Variants in VSIG8 observed in about 807,000 individuals in gnomAD.
VSIG8 encodes V-set and immunoglobulin domain-containing protein 8.
Under a neutral mutation model 42.6 loss-of-function variants are expected in VSIG8, and 32 were observed. The ratio of observed to expected loss-of-function variants is 0.75; its 90% CI spans 0.57 to 1.01. The LOEUF (loss-of-function observed/expected upper bound fraction) is 1.01, where lower values mean the gene tolerates loss of function less well. Ranked by LOEUF, VSIG8 falls within the 50% of genes least tolerant of loss-of-function variation. VSIG8 has a pLI of 0.00. For missense variants in VSIG8, 529 were observed against 558.0 expected (o/e 0.95, Z 0.52); for synonymous variants, 290 against 243.8 (o/e 1.19, Z -1.77).
In VSIG8 at chr1:159,855,045, G is replaced by C. The variant is rs111439060; in HGVS notation, c.972-19C>G. The C allele has an allele frequency of 0.016, 25,556 of 1,572,576 alleles. 235 individuals carry two copies. The highest frequency in any genetic ancestry group is 0.02 in the Non-Finnish European group (23,330 of 1,159,734). ...GTCCTCTCTGTGGAAAACAACAGGCGGGCGGGTGAGCGGGCTGCTCCGCAG... is the reference window on the plus strand; with the variant it reads ...GTCCTCTCTGTGGAAAACAACAGGCCGGCGGGTGAGCGGGCTGCTCCGCAG... On this transcript the variant is annotated intron_variant, in intron 6 of 6. Coordinates refer to ENST00000368100, the MANE Select transcript of VSIG8 (RefSeq NM_001013661.1).
In VSIG8 at chr1:159,858,740, C is replaced by G. The variant is rs1648924194; in HGVS notation, c.222G>C (p.Glu74Asp). ...CCCTGTGCCCAGCACTCACCACGTTCTCTCGGTGGTGGGCGGGGTCTGAGT... is the reference window on the plus strand; with the variant it reads ...CCCTGTGCCCAGCACTCACCACGTTGTCTCGGTGGTGGGCGGGGTCTGAGT... ...QVNSDPAHHRENVFLSYQDKR... is the reference protein window; with the variant it reads ...QVNSDPAHHRDNVFLSYQDKR... The change falls in exon 2 of 7, where the codon GAG becomes GAC. Residue 74 changes from glutamate (E) to aspartate (D), a missense_variant. By Grantham distance (45) the Glu-to-Asp change is conservative. Coordinates refer to ENST00000368100, the MANE Select transcript of VSIG8 (RefSeq NM_001013661.1). 6.2e-7 allele frequency: 1 copy of G among 1,610,568 alleles called. No individual in the cohort carries two copies. Among genetic ancestry groups the G allele is most frequent in the African/African-American group, 1.3e-5 (1 of 74,860 alleles).
In VSIG8 at chr1:159,857,881, G is replaced by C. The variant is rs750153493; in HGVS notation, c.516C>G (p.Gly172=). The C allele has an allele frequency of 1.9e-5, 30 of 1,614,108 alleles. No individual in the cohort carries two copies. Among genetic ancestry groups the C allele is most frequent in the Non-Finnish European group, 2.5e-5 (30 of 1,180,036 alleles). The change falls in exon 4 of 7, where the codon GGC becomes GGG. Residue 172 remains glycine (G), a synonymous_variant. Coordinates refer to ENST00000368100, the MANE Select transcript of VSIG8 (RefSeq NM_001013661.1). ...CCCACTTGTAGGAGAGGGGCTGGGA[G>C]CCCCCACTGGCATAGCACTTCAGCA... ...DVVLKCYASG[G]SQPLSYKWAK... is the part of the protein sequence containing the mutation.
rs1441783836 is a variant in VSIG8 at position 159,862,583 on chromosome 1, T to A, written c.-62A>T. On this transcript the variant is annotated 5_prime_UTR_variant, in exon 1 of 7. Coordinates refer to ENST00000368100, the MANE Select transcript of VSIG8 (RefSeq NM_001013661.1). ...TATCCCGTGGGGTCGTAGTGGTGGG[T>A]GTGAGGGGGTAGGTGGAGGGAGGGG... 2.0e-6 allele frequency: 3 copies of A among 1,487,064 alleles called. No homozygotes were observed. In the East Asian group the frequency reaches 7.0e-5, roughly 35 times the overall value. 92.1% of individuals were successfully genotyped at this position (1,487,064 alleles called of 1,614,324 possible).
Position 159,854,747 on chromosome 1 carries a change from G to A in VSIG8, c.*6C>T. 2 of 1,467,714 alleles carry A rather than the reference G, an allele frequency of 1.4e-6. No individual in the cohort carries two copies. The highest frequency in any genetic ancestry group is 1.8e-6 in the Non-Finnish European group (2 of 1,118,058). The allele number at this position is 1,467,714 out of a possible 1,614,324, so 90.9% of individuals were successfully genotyped here. A position where few individuals can be genotyped will look rare whatever the true frequency, so the allele number is the denominator to read the frequency against. On this transcript the variant is annotated 3_prime_UTR_variant, in exon 7 of 7. Transcript: ENST00000368100. ...GCTGGGGCGCAGCCCGGCCCGGCGCGCGCGCTCACACCAAGAGGCCGTTCT... is the reference window on the plus strand; with the variant it reads ...GCTGGGGCGCAGCCCGGCCCGGCGCACGCGCTCACACCAAGAGGCCGTTCT...
At chr1:159,855,673 G>A (rs1409229005) in intron 6 of VSIG8, 2 of 953,974 alleles carry the variant, frequency 2.1e-6, no homozygotes, top group African/African-American at 3.5e-5. Context: ...GAAATGGAAG[G>A]CAGGGAGCAG....
intron 4 of VSIG8, 122 bp from the exon 5 acceptor site, chr1:159,856,765 CCACACCCA>C: frequency 8.7e-7 from 1 of 1,146,344 alleles, no homozygotes; most frequent in Non-Finnish European, 1.2e-6. Context: ...GTGTGTACAC[CCACACCCA>C]CACACACACA....
At position 159,856,613 on chromosome 1, in the gene VSIG8, T is replaced by G; in HGVS notation, c.683A>C (p.Asp228Ala). Residue 228 changes from aspartate to alanine, a missense_variant, in exon 5 of 7, where the codon GAT (aspartate) becomes GCT (alanine). Asp to Ala is a moderately radical substitution (Grantham distance 126). Coordinates refer to ENST00000368100, the MANE Select transcript of VSIG8 (RefSeq NM_001013661.1). ...GLNNGDLVLK[D>A]ISRADDGLYQ... ...CAGCCCATCATCTGCTCTGGAGATATCCTTCAACACCAGGTCCCCATTGTT... is the reference window on the plus strand; with the variant it reads ...CAGCCCATCATCTGCTCTGGAGATAGCCTTCAACACCAGGTCCCCATTGTT... 1 of 1,614,108 alleles carries G rather than the reference T, an allele frequency of 6.2e-7. No homozygotes were observed. Among genetic ancestry groups the G allele is most frequent in the Non-Finnish European group, 8.5e-7 (1 of 1,179,998 alleles).
intron 5 of VSIG8, 68 bp downstream of exon 5, chr1:159,856,455 CA>C: frequency 6.3e-7 from 1 of 1,595,002 alleles, no homozygotes; most frequent in South Asian, 1.1e-5. Context: ...GCTGAGGCTC[CA>C]AACCAGAGCC....
At chr1:159,855,784 G>T in intron 6 of VSIG8, 99 bp downstream of exon 6, 1 of 1,433,452 alleles carries the variant, frequency 7.0e-7, no homozygotes, top group Non-Finnish European at 9.1e-7. Context: ...GGGCAGGGTT[G>T]GGGTGGGGGG....
chr1:159,856,253 C>T (rs1473660243), intron 5 of VSIG8, 172 bp from the exon 6 acceptor site: 2 of 768,610 alleles, frequency 2.6e-6, no homozygotes, highest in Non-Finnish European at 2.1e-6. Flanking sequence ...TGCAAGTTAA[C>T]CCCTCGTGTC....
At chr1:159,862,450 C>CTG (rs779053747) in intron 1 of VSIG8, 23 bp downstream of exon 1, 9 of 1,604,844 alleles carry the variant, frequency 5.6e-6, no homozygotes, top group Non-Finnish European at 7.7e-6. Context: ...GCTGGCTACC[C>CTG]TGCCCCCTGC....
Position 159,854,863 on chromosome 1 carries a change from C to A in VSIG8, c.1135G>T (p.Ala379Ser). Residue 379 changes from alanine to serine, a missense_variant, in exon 7 of 7, where the codon GCC becomes TCC. Coordinates refer to ENST00000368100, the MANE Select transcript of VSIG8 (RefSeq NM_001013661.1). ...GAGGGGCCCGCTTCGCAGGCGGCGG[C>A]GGCGGTGCAGGGCGCCAGGGCCACG... ...EDVALAPCTA[A>S]AACEAGPSPV... is the part of the protein sequence containing the mutation. 1 of 1,474,150 alleles carries A rather than the reference C, an allele frequency of 6.8e-7. No individual in the cohort carries two copies. The highest frequency in any genetic ancestry group is 8.9e-7 in the Non-Finnish European group (1 of 1,122,152). The allele number at this position is 1,474,150 out of a possible 1,614,324, so 91.3% of individuals were successfully genotyped here.
Position 159,862,603 on chromosome 1 carries a change from G to C in VSIG8, c.-82C>G. Reference sequence around the variant, plus strand: ...GTGGGTGTGAGGGGGTAGGTGGAGGGAGGGGGAGCTGAGGGCCCAGACACT... The same window carrying C: ...GTGGGTGTGAGGGGGTAGGTGGAGGCAGGGGGAGCTGAGGGCCCAGACACT... On this transcript the variant is annotated 5_prime_UTR_variant, in exon 1 of 7. Coordinates refer to ENST00000368100, the MANE Select transcript of VSIG8 (RefSeq NM_001013661.1). The C allele has an allele frequency of 8.0e-7, 1 of 1,247,124 alleles. No homozygotes were observed. Among genetic ancestry groups the C allele is most frequent in the Non-Finnish European group, 1.1e-6 (1 of 871,530 alleles). 77.3% of individuals were successfully genotyped at this position (1,247,124 alleles called of 1,614,324 possible). A position where few individuals can be genotyped will look rare whatever the true frequency, so the allele number is the denominator to read the frequency against.
chr1:159,854,740 C>A lies in VSIG8; in HGVS notation c.*13G>T. 6.8e-7 allele frequency: 1 copy of A among 1,461,434 alleles called. No individual in the cohort carries two copies. The highest frequency in any genetic ancestry group is 9.0e-7 in the Non-Finnish European group (1 of 1,115,678). The allele number at this position is 1,461,434 out of a possible 1,614,324, so 90.5% of individuals were successfully genotyped here. A position where few individuals can be genotyped will look rare whatever the true frequency, so the allele number is the denominator to read the frequency against. ...CCTCCTGGCTGGGGCGCAGCCCGGC[C>A]CGGCGCGCGCGCTCACACCAAGAGG... is the stretch of plus-strand genomic sequence containing the variant. On this transcript the variant is annotated 3_prime_UTR_variant, in exon 7 of 7. Coordinates refer to ENST00000368100, the MANE Select transcript of VSIG8 (RefSeq NM_001013661.1).
At chr1:159,855,720 A>G in intron 6 of VSIG8, 163 bp downstream of exon 6, 1 of 948,916 alleles carries the variant, frequency 1.1e-6, no homozygotes, top group South Asian at 5.0e-5. Context: ...GGGGAAAGCC[A>G]TGAGTTGGGT....
At chr1:159,857,468 G>A (rs975722784) in intron 4 of VSIG8, among the ~76,000 whole-genome samples, 11 of 152,096 alleles carry the variant, frequency 7.2e-5, no homozygotes, top group African/African-American at 2.6e-4. Context: ...CCAGCTACTC[G>A]GGAGGCAGAG....
At chr1:159,862,335 C>T (rs747198815) in intron 1 of VSIG8, 138 bp downstream of exon 1, 26 of 855,964 alleles carry the variant, frequency 3.0e-5, no homozygotes, top group Non-Finnish European at 3.4e-5. Context: ...TACCCACACC[C>T]GGCTGCAGCA....
At chr1:159,862,389 C>A in intron 1 of VSIG8, 84 bp downstream of exon 1, 1 of 1,454,210 alleles carries the variant, frequency 6.9e-7, no homozygotes, top group Admixed American at 2.1e-5. Flanking sequence ...CAGGCAGCCC[C>A]AGGCTCCACT....
chr1:159,855,650 C>T (rs1557902587), intron 6 of VSIG8: 4 of 967,382 alleles, frequency 4.1e-6, no homozygotes, highest in Non-Finnish European at 4.9e-6. Context: ...CAGACAGGTG[C>T]GTAGGCAGGA....
Sources: allele counts gnomAD v4.1 joint callset (sites outside exome capture counted in the v4.1 genomes callset), GRCh38; gene constraint gnomAD v4.1.1; transcripts MANE v1.5; gene names NCBI Gene and HGNC (gene_info 2026-07-23, HGNC 2026-07-21).